Variants in NLK observed in about 807,000 individuals in gnomAD.
NLK encodes the protein nemo like kinase.
Under a neutral mutation model 59.0 loss-of-function variants are expected in NLK, and 11 were observed. The observed-to-expected ratio is 0.19, with a 90% CI of 0.12 to 0.31. NLK has a LOEUF of 0.31. Among genes scored for constraint, NLK ranks in the 10% least tolerant of loss-of-function variants. NLK has a pLI of 1.00. For missense variants in NLK, 410 were observed against 661.1 expected, an observed-to-expected ratio of 0.62 and a Z score of 4.16; for synonymous variants, 235 against 235.9, an observed-to-expected ratio of 1.00 and a Z score of 0.03.
rs901514718 is a variant in NLK, at chr17:28,078,824, A to G, written c.458+35493A>G. Among the ~76,000 whole-genome samples, 3 of 152,108 alleles carry G rather than the reference A, an allele frequency of 2.0e-5. No homozygotes were observed. The South Asian group carries it at 6.2e-4, about 32-fold the overall frequency. On this transcript the variant is annotated intron_variant, in intron 1 of 10. Transcript: ENST00000407008. ...TCATCTGTAGTCCTAGCAAGGCATT[A>G]AAGGACCCTTAAAAAAAAGACCTTA...
At chr17:28,054,224 A>G (rs1188514210) in intron 1 of NLK, among the ~76,000 whole-genome samples, 1 of 152,142 alleles carries the variant, frequency 6.6e-6, no homozygotes, top group Admixed American at 6.5e-5. Context: ...AGCATCTTCA[A>G]CCATGTTTAA....
At chr17:28,049,285 C>T (rs1034664851) in intron 1 of NLK, among the ~76,000 whole-genome samples, 18 of 152,270 alleles carry the variant, frequency 1.2e-4, no homozygotes, top group African/African-American at 4.3e-4. Flanking sequence ...GGGATGTCTG[C>T]CACTCATAAT....
At chr17:28,081,707 C>T (rs921998520) in intron 1 of NLK, among the ~76,000 whole-genome samples, 5 of 152,224 alleles carry the variant, frequency 3.3e-5, no homozygotes, top group South Asian at 2.1e-4. Flanking sequence ...GTTTTGTGTT[C>T]GTTTTAATGT....
At chr17:28,169,579 G>A (rs1404593465) in intron 6 of NLK, among the ~76,000 whole-genome samples, 1 of 152,096 alleles carries the variant, frequency 6.6e-6, no homozygotes, top group African/African-American at 2.4e-5. Flanking sequence ...GTATTAATTT[G>A]CTTGCATGAA....
the NLK span, among the ~76,000 whole-genome samples, chr17:28,202,687 CTTTTTTTTT>C: frequency 1.5e-5 from 2 of 133,430 alleles, no homozygotes; most frequent in Non-Finnish European, 3.2e-5. Context: ...TCTTTTTTTT[CTTTTTTTTT>C]TTTTTTGAGA....
chr17:28,043,413 T>C, intron 1 of NLK, 82 bp downstream of exon 1: 1 of 1,248,630 alleles, frequency 8.0e-7, no homozygotes, highest in Non-Finnish European at 1.1e-6. Context: ...AATGGTTGTC[T>C]CCATGTTGAC....
intron 3 of NLK, among the ~76,000 whole-genome samples, chr17:28,146,392 T>TGAC (rs1440709308): frequency 4.5e-4 from 68 of 151,490 alleles, no homozygotes; most frequent in African/African-American, 1.6e-3. Context: ...TTGATGATGA[T>TGAC]GATGATGATG....
At chr17:28,131,802 G>A (rs1198606875) in intron 2 of NLK, among the ~76,000 whole-genome samples, 3 of 152,028 alleles carry the variant, frequency 2.0e-5, no homozygotes, top group Admixed American at 1.3e-4. Flanking sequence ...AAGGACTTGC[G>A]TCGTAAAGTC....
rs1383494626 is a variant in NLK, at chr17:28,196,309, C to G, written c.*1673C>G. The G allele has an allele frequency of 6.6e-6, 1 of 152,608 alleles. No individual in the cohort carries two copies. Among genetic ancestry groups the G allele is most frequent in the Non-Finnish European group, 1.5e-5 (1 of 68,030 alleles). 9.5% of individuals were successfully genotyped at this position (152,608 alleles called of 1,614,324 possible). ...CAGAGGTTGGTCAATTACCGTGGCA[C>G]ACTTTCTGGTCACTTTGTACAATGT... On this transcript the variant is annotated 3_prime_UTR_variant, in exon 11 of 11. Transcript: ENST00000407008.
chr17:28,144,067 T>C (rs1456390610), intron 3 of NLK, among the ~76,000 whole-genome samples: 2 of 152,192 alleles, frequency 1.3e-5, no homozygotes, highest in East Asian at 3.8e-4. Context: ...TCATAGACTA[T>C]GTTGGCAGGC....
At chr17:28,189,490 TACAG>T (rs1250387624) in intron 8 of NLK, among the ~76,000 whole-genome samples, 1 of 152,230 alleles carries the variant, frequency 6.6e-6, no homozygotes, top group African/African-American at 2.4e-5. Flanking sequence ...TGAAGCATCT[TACAG>T]ACAAGTATGT....
At chr17:28,119,104 G>A (rs182552333) in intron 1 of NLK, among the ~76,000 whole-genome samples, 57 of 152,256 alleles carry the variant, frequency 3.7e-4, no homozygotes, top group African/African-American at 1.2e-3. Context: ...ACCAGGGTAT[G>A]GCAGCAGCAG....
the NLK span, among the ~76,000 whole-genome samples, chr17:28,203,154 TATAC>T: frequency 6.8e-5 from 9 of 131,778 alleles, no homozygotes; most frequent in East Asian, 2.0e-4. Flanking sequence ...TATGAATGTA[TATAC>T]ATACATACAC....
rs80301324 is a variant in NLK at position 28,080,810 on chromosome 17, C to T, written c.458+37479C>T. ...ACTAGCTGCTTCTAAAAGATTTATT[C>T]GGTGTAAGTTAATGTTTTTAATTGT... On this transcript the variant is annotated intron_variant, in intron 1 of 10. Transcript: ENST00000407008. Among the ~76,000 whole-genome samples, 1,009 of 152,194 alleles carry T rather than the reference C, an allele frequency of 6.6e-3. 17 individuals are homozygous for T. Among genetic ancestry groups the T allele is most frequent in the African/African-American group, 0.022 (930 of 41,504 alleles).
rs201546193 is a variant in NLK, at chr17:28,103,990, A to G, written c.459-18613A>G. 1.7e-4 allele frequency among the ~76,000 whole-genome samples: 26 copies of G among 152,306 alleles called. No homozygotes were observed. The East Asian group carries it at 4.0e-3, about 24-fold the overall frequency. ...CCCATTGACCTTTGTCTAGTGATAA[A>G]TGTGTTTATTGCCTGATATTCATTT... On this transcript the variant is annotated intron_variant, in intron 1 of 10. Transcript: ENST00000407008.
At chr17:28,156,476 G>C (rs1170345143) in intron 3 of NLK, among the ~76,000 whole-genome samples, 1 of 152,098 alleles carries the variant, frequency 6.6e-6, no homozygotes, top group Non-Finnish European at 1.5e-5. Context: ...TCTAAACAAA[G>C]TTCACACGTA....
At chr17:28,174,742 T>C (rs1449248056) in intron 7 of NLK, among the ~76,000 whole-genome samples, 1 of 152,226 alleles carries the variant, frequency 6.6e-6, no homozygotes, top group Non-Finnish European at 1.5e-5. Flanking sequence ...AGTTGATCTT[T>C]ATCATCGCTA....
At chr17:28,139,391 C>G (rs1312020251) in intron 3 of NLK, among the ~76,000 whole-genome samples, 1 of 152,100 alleles carries the variant, frequency 6.6e-6, no homozygotes, top group African/African-American at 2.4e-5. Context: ...TTTCACTTAC[C>G]CACTATCACT....
intron 3 of NLK, among the ~76,000 whole-genome samples, chr17:28,154,853 G>A (rs559305615): frequency 6.6e-6 from 1 of 152,184 alleles, no homozygotes; most frequent in Non-Finnish European, 1.5e-5. Flanking sequence ...GGCCAACATG[G>A]CGAAACCCCA....
Sources: gnomAD v4.1 joint callset for allele counts (sites outside exome capture counted in the v4.1 genomes callset) on GRCh38, gnomAD v4.1.1 for gene constraint, MANE v1.5 for transcripts, NCBI Gene and HGNC (gene_info 2026-07-23, HGNC 2026-07-21) for gene names.